The following LCT variants were observed in gnomAD, a reference collection of about 807,000 sequenced individuals.
LCT encodes the protein lactase.
LCT carries 90 observed loss-of-function variants against 173.0 expected under a neutral mutation model. The ratio of observed to expected loss-of-function variants is 0.52; its 90% CI spans 0.44 to 0.62. The LOEUF (loss-of-function observed/expected upper bound fraction) is 0.62. Among genes scored for constraint, LCT ranks in the 20% least tolerant of loss-of-function variants. LCT has a pLI of 0.00. For synonymous variants in LCT, 853 were observed against 957.6 expected (o/e 0.89, Z 2.02); for missense variants, 1,864 against 2,431.4 (o/e 0.77, Z 4.91).
At chr2:135,794,417 C>A in intron 14 of LCT, 1 of 553,430 alleles carries the variant, frequency 1.8e-6, no homozygotes, top group Non-Finnish European at 3.2e-6. Flanking sequence ...AAAAGCCAAG[C>A]ACATGTGCCC....
intron 2 of LCT, among the ~76,000 whole-genome samples, chr2:135,831,619 G>T (rs528042077): frequency 6.6e-6 from 1 of 152,138 alleles, no homozygotes; most frequent in Non-Finnish European, 1.5e-5. Context: ...AGCAGTTATC[G>T]CCCTCTGTAA....
In LCT at chr2:135,809,340, G is replaced by A; in HGVS notation, c.3007C>T (p.Leu1003=). Residue 1003 remains leucine (L), a synonymous_variant, in exon 8 of 17, where the codon CTG becomes TTG. Transcript: ENST00000264162. This position sits in a 1 kb window ranked among gnomAD's most constrained non-coding sequence, Gnocchi z 5.5. The part of the protein sequence containing the change: ...NSHGVDYYNR[L]INGLVASNIF... The stretch of plus-strand genomic sequence containing the variant: ...TTGCTTGCCACCAAGCCATTGATCA[G>A]CCTGTTGTAATAATCAACCCCATGA... 1 of 1,614,196 alleles carries A rather than the reference G, an allele frequency of 6.2e-7. No individual in the cohort carries two copies. The highest frequency in any genetic ancestry group is 8.5e-7 in the Non-Finnish European group (1 of 1,180,038).
intron 11 of LCT, among the ~76,000 whole-genome samples, chr2:135,801,380 T>C (rs961287718): frequency 2.0e-5 from 3 of 152,048 alleles, no homozygotes; most frequent in Admixed American, 6.5e-5. Flanking sequence ...CAATGTTATA[T>C]TCAGAAAGGA....
At chr2:135,816,047 A>G (rs1245743592) in intron 6 of LCT, among the ~76,000 whole-genome samples, 2 of 152,232 alleles carry the variant, frequency 1.3e-5, no homozygotes, top group Non-Finnish European at 2.9e-5. Context: ...GACAGGGAAA[A>G]GGCAGACTAA....
chr2:135,833,218 A>C, intron 1 of LCT, 28 bp from the exon 2 acceptor site: 1 of 1,543,512 alleles, frequency 6.5e-7, no homozygotes, highest in Non-Finnish European at 9.0e-7. Context: ...CACGAACAGC[A>C]GGTGAGCGAG....
At position 135,788,109 on chromosome 2, in the gene LCT, G is replaced by A. The variant is rs968822635; in HGVS notation, c.*215C>T. ...CGCAAGAGCTACTTGCTTCTCAAATGCCCAAATGAACTCTGATACTGGAGC... is the reference window on the plus strand; with the variant it reads ...CGCAAGAGCTACTTGCTTCTCAAATACCCAAATGAACTCTGATACTGGAGC... On this transcript the variant is annotated 3_prime_UTR_variant, in exon 17 of 17. Transcript: ENST00000264162. The A allele has an allele frequency of 6.8e-6, 4 of 587,564 alleles. No individual in the cohort carries two copies. Among genetic ancestry groups the A allele is most frequent in the Non-Finnish European group, 1.2e-5 (4 of 329,154 alleles). The allele number at this position is 587,564 out of a possible 1,614,324, so 36.4% of individuals were successfully genotyped here.
chr2:135,801,850 AG>A (rs1214861218), intron 11 of LCT, among the ~76,000 whole-genome samples: 2 of 152,070 alleles, frequency 1.3e-5, no homozygotes, highest in Admixed American at 6.6e-5. Context: ...CTGGGATTAC[AG>A]GCGTGAGATA....
Position 135,790,817 on chromosome 2 carries a change from G to T in LCT, c.5176C>A (p.Pro1726Thr), listed in dbSNP as rs2077528355. 1 of 1,614,118 alleles carries T rather than the reference G, an allele frequency of 6.2e-7. No individual in the cohort carries two copies. The highest frequency in any genetic ancestry group is 8.5e-7 in the Non-Finnish European group (1 of 1,180,020). ...DSGSFWLKMT[P>T]FGFRRILNWL... is the part of the protein sequence containing the mutation. The stretch of plus-strand genomic sequence containing the variant: ...TTCAGGATCCTCCTGAAGCCAAAAG[G>T]CGTCATCTTCAGCCAGAAGGAGCCA... Residue 1726 changes from proline (P) to threonine (T), a missense_variant, in exon 15 of 17, where the codon CCT becomes ACT. Transcript: ENST00000264162. The surrounding 1 kb of genome is among the most constrained non-coding windows in gnomAD (Gnocchi z 4.1).
Position 135,790,924 on chromosome 2 carries a change from C to G in LCT, c.5112-43G>C, listed in dbSNP as rs1353547989. On this transcript the variant is annotated intron_variant, in intron 14 of 16. Transcript: ENST00000264162. The surrounding 1 kb of genome is among the most constrained non-coding windows in gnomAD (Gnocchi z 4.1). ...AAAGATGAGGTCTTGTTTTGTAAAT[C>G]TCAAGAGGCCCTTTACACGAAACAC... 1 of 1,422,452 alleles carries G rather than the reference C, an allele frequency of 7.0e-7. No homozygotes were observed. The highest frequency in any genetic ancestry group is 9.9e-7 in the Non-Finnish European group (1 of 1,005,974). 88.1% of individuals were successfully genotyped at this position (1,422,452 alleles called of 1,614,324 possible).
chr2:135,804,869 A>C lies in LCT; in HGVS notation c.4362T>G (p.Ser1454=), dbSNP rs776712928. 164 of 1,614,030 alleles carry C rather than the reference A, an allele frequency of 1.0e-4. No homozygotes were observed. The highest frequency in any genetic ancestry group is 3.2e-4 in the Admixed American group (19 of 59,998). The change falls in exon 10 of 17, where the codon TCT becomes TCG. Residue 1454 remains serine, a synonymous_variant. Transcript: ENST00000264162. ...VSHYRFSISW[S]RILPDGTTRY... ...TGGTGGTTCCATCAGGGAGGATGCG[A>C]GACCAGGAGATGGAAAAACGGTAGT...
rs1384321920 is a variant in LCT, at chr2:135,807,188, C to A, written c.4113G>T (p.Glu1371Asp). Residue 1371 changes from glutamate (E) to aspartate (D), a missense_variant, in exon 9 of 17, where the codon GAG (glutamate) becomes GAT (aspartate). By Grantham distance (45) the Glu-to-Asp change is conservative. Coordinates refer to ENST00000264162, the MANE Select transcript of LCT (RefSeq NM_002299.4). The stretch of plus-strand genomic sequence containing the variant: ...CCTCAGGAAACCGTCCGTACAGAAA[C>A]TCATCCTCCCTGGCCAGTGGCATGC... ...NNGMPLAREDEFLYGRFPEGF... is the reference protein window; with the variant it reads ...NNGMPLAREDDFLYGRFPEGF... The A allele has an allele frequency of 6.2e-7, 1 of 1,614,132 alleles. No individual in the cohort carries two copies. The highest frequency in any genetic ancestry group is 8.5e-7 in the Non-Finnish European group (1 of 1,180,048).
intron 6 of LCT, among the ~76,000 whole-genome samples, 192 bp downstream of exon 6, chr2:135,817,149 G>T (rs572567003): frequency 1.3e-5 from 2 of 152,258 alleles, no homozygotes; most frequent in East Asian, 3.9e-4. Flanking sequence ...GAGATTACTG[G>T]CATGAGCCAC....
In LCT at chr2:135,822,069, CA is replaced by C; in HGVS notation, c.936del (p.Ile312MetfsTer9). On this transcript the variant is annotated frameshift_variant, in exon 5 of 17. Transcript: ENST00000264162. LOFTEE classifies it high-confidence loss of function. Reference sequence around the variant, plus strand: ...CTCAGAAACTCATTAATATCAAACCCAATGGTGAGCACTTGGTCTTTATTTA... The same window carrying C: ...CTCAGAAACTCATTAATATCAAACCCATGGTGAGCACTTGGTCTTTATTTA... ...EAINKDQVLT[I>X]GFDINEFLSC... is the part of the protein sequence containing the mutation. 6.2e-7 allele frequency: 1 copy of C among 1,607,492 alleles called. No homozygotes were observed. Among genetic ancestry groups the C allele is most frequent in the Non-Finnish European group, 8.5e-7 (1 of 1,174,018 alleles).
Position 135,788,474 on chromosome 2 carries a change from T to C in LCT, c.5634A>G (p.Thr1878=). The C allele has an allele frequency of 6.2e-7, 1 of 1,613,534 alleles. No individual in the cohort carries two copies. Among genetic ancestry groups the C allele is most frequent in the South Asian group, 1.1e-5 (1 of 91,046 alleles). ...GAACGTACAAAGCTGTCTGTGCTTCTGTGGTGCCGAGCATTAGCCCCAGGA... is the reference window on the plus strand; with the variant it reads ...GAACGTACAAAGCTGTCTGTGCTTCCGTGGTGCCGAGCATTAGCCCCAGGA... The part of the protein sequence containing the change: ...VQFLGLMLGT[T]EAQTALYVLF... The change falls in exon 17 of 17, where the codon ACA becomes ACG. Residue 1878 remains threonine, a synonymous_variant. Transcript: ENST00000264162.
rs925567463 is a variant in LCT, at chr2:135,836,009, T to C, written c.640+521A>G. Reference sequence around the variant, plus strand: ...ATATATATATATATATATATATATATATATATGTATACATATTTTTTTTTT... The same window carrying C: ...ATATATATATATATATATATATATACATATATGTATACATATTTTTTTTTT... On this transcript the variant is annotated intron_variant, in intron 1 of 16. Transcript: ENST00000264162. Among the ~76,000 whole-genome samples the C allele has an allele frequency of 9.3e-4, 15 of 16,088 alleles. 1 individual carries two copies. The highest frequency in any genetic ancestry group is 3.6e-3 in the East Asian group (2 of 554). The allele number at this position is 16,088 out of a possible 152,430, so 10.6% of individuals were successfully genotyped here.
rs373744749 is a variant in LCT, at chr2:135,804,726, G to A, written c.4464+41C>T. The A allele has an allele frequency of 1.2e-4, 186 of 1,588,154 alleles. 2 individuals are homozygous for A. The highest frequency in any genetic ancestry group is 1.3e-4 in the Admixed American group (8 of 59,970). ...TGCTCCCCCAGCCCTGCTGGTTCCT[G>A]CATGTGGACTTTCCCAAGGCCTTGC... On this transcript the variant is annotated intron_variant, in intron 10 of 16. Transcript: ENST00000264162.
chr2:135,795,250 T>C (rs1396490993), intron 13 of LCT, among the ~76,000 whole-genome samples: 2 of 151,916 alleles, frequency 1.3e-5, no homozygotes, highest in South Asian at 2.1e-4. Flanking sequence ...CTCTGTCACC[T>C]AGGCTGGAGT....
At chr2:135,810,596 C>A (rs1242602091) in intron 7 of LCT, among the ~76,000 whole-genome samples, 4 of 152,114 alleles carry the variant, frequency 2.6e-5, no homozygotes, top group Non-Finnish European at 1.5e-5. Context: ...ATACATAAAT[C>A]AATCTTTTAA....
At chr2:135,811,126 A>G (rs1009516117) in intron 7 of LCT, among the ~76,000 whole-genome samples, 1 of 152,112 alleles carries the variant, frequency 6.6e-6, no homozygotes, top group Non-Finnish European at 1.5e-5. Flanking sequence ...GAATCGCTTG[A>G]GCCCAGGAGG....
Sources: allele counts gnomAD v4.1 joint callset (sites outside exome capture counted in the v4.1 genomes callset), GRCh38; gene constraint gnomAD v4.1.1; non-coding constraint Gnocchi (gnomAD v3.1); transcripts MANE v1.5; gene names NCBI Gene and HGNC (gene_info 2026-07-23, HGNC 2026-07-21).